The following PHTF2 variants were observed in gnomAD, a reference collection of about 807,000 sequenced individuals.
PHTF2 encodes the protein putative homeodomain transcription factor 2.
Under a neutral mutation model 101.2 loss-of-function variants are expected in PHTF2, and 60 were observed. That is an observed-to-expected ratio of 0.59 (90% CI 0.48 to 0.73). The LOEUF (loss-of-function observed/expected upper bound fraction) is 0.73, where lower values mean the gene tolerates loss of function less well. PHTF2 is among the 30% of genes least tolerant of loss of function. PHTF2 has a pLI of 0.00. For synonymous variants in PHTF2, 311 were observed against 307.3 expected (o/e 1.01, Z -0.13); for missense variants, 747 against 908.7 (o/e 0.82, Z 2.29).
Position 77,896,003 on chromosome 7 carries a change from T to A in PHTF2, c.216+2010T>A, listed in dbSNP as rs570959063. The A allele has an allele frequency of 3.9e-5, 6 of 152,272 alleles. No individual in the cohort carries two copies. In the South Asian group the frequency reaches 1.2e-3, roughly 32 times the overall value. The allele number at this position is 152,272 out of a possible 1,614,324, so 9.4% of individuals were successfully genotyped here. On this transcript the variant is annotated intron_variant, in intron 5 of 19. Transcript: ENST00000416283. ...CTTGACTAGTCTTTAAAAATAAAGA[T>A]AAAAATGAGACAAAATTAAAGAAAA...
intron 18 of PHTF2, 73 bp downstream of exon 17, chr7:77,951,785 G>C: frequency 1.5e-6 from 1 of 669,716 alleles, no homozygotes; most frequent in Non-Finnish European, 2.5e-6. Context: ...TTTGTTTATA[G>C]ATATTACTTT....
intron 12 of PHTF2, among the ~76,000 whole-genome samples, chr7:77,936,370 A>C (rs1274199683): frequency 6.6e-6 from 1 of 152,162 alleles, no homozygotes; most frequent in Non-Finnish European, 1.5e-5. Context: ...TGCCAAAACT[A>C]TTGTTTTTAG....
At chr7:77,956,399 A>G (rs1806993600) in exon 20 of PHTF2, 1 of 152,576 alleles carries the variant, frequency 6.6e-6, no homozygotes, top group African/African-American at 2.4e-5. Context: ...ATTCCTTTTG[A>G]TCAGCCTCAA....
chr7:77,928,893 C>T (rs527739399), intron 11 of PHTF2, among the ~76,000 whole-genome samples: 4 of 152,254 alleles, frequency 2.6e-5, no homozygotes, highest in African/African-American at 9.6e-5. Flanking sequence ...AAAGTAATAT[C>T]TGAGCTGAAA....
intron 1 of PHTF2, among the ~76,000 whole-genome samples, chr7:77,838,936 G>T (rs577314091): frequency 6.6e-6 from 1 of 152,072 alleles, no homozygotes; most frequent in Non-Finnish European, 1.5e-5. Flanking sequence ...GAGGTTTATC[G>T]TCTAAACATT....
intron 5 of PHTF2, among the ~76,000 whole-genome samples, chr7:77,899,410 G>A (rs373255588): frequency 5.3e-5 from 8 of 152,014 alleles, no homozygotes; most frequent in South Asian, 2.1e-4. Context: ...CACCGTGAAC[G>A]TTGATTTGGG....
At chr7:77,935,558 T>A (rs960451188) in intron 12 of PHTF2, among the ~76,000 whole-genome samples, 10 of 152,184 alleles carry the variant, frequency 6.6e-5, no homozygotes, top group Admixed American at 2.6e-4. Context: ...CAGTTTCTAG[T>A]TGCTGTCTTC....
chr7:77,914,055 G>A (rs181921961), intron 9 of PHTF2, among the ~76,000 whole-genome samples: 41 of 139,788 alleles, frequency 2.9e-4, no homozygotes, highest in African/African-American at 1.0e-3. Context: ...GACAGAGCTG[G>A]ACTCTGTCTC....
chr7:77,804,922 C>T (rs1463587816), intron 1 of PHTF2, among the ~76,000 whole-genome samples: 1 of 152,082 alleles, frequency 6.6e-6, no homozygotes, highest in Non-Finnish European at 1.5e-5. Flanking sequence ...GTTGAAATAC[C>T]AACATACTGA....
chr7:77,924,667 G>A (rs964524460), intron 11 of PHTF2, among the ~76,000 whole-genome samples: 1 of 152,110 alleles, frequency 6.6e-6, no homozygotes, highest in South Asian at 2.1e-4. Flanking sequence ...TAAGATAATG[G>A]GTCAGGAACC....
chr7:77,869,048 A>G (rs930646868), intron 3 of PHTF2, among the ~76,000 whole-genome samples: 1 of 152,194 alleles, frequency 6.6e-6, no homozygotes, highest in Non-Finnish European at 1.5e-5. Context: ...GGAATAGAAC[A>G]TCCTGTCTTT....
At chr7:77,894,585 A>G (rs1319824838) in intron 5 of PHTF2, among the ~76,000 whole-genome samples, 1 of 152,242 alleles carries the variant, frequency 6.6e-6, no homozygotes, top group Non-Finnish European at 1.5e-5. Flanking sequence ...ACATTTAACA[A>G]AGTTGTGGTA....
intron 9 of PHTF2, among the ~76,000 whole-genome samples, chr7:77,916,599 C>T (rs1385827534): frequency 6.6e-6 from 1 of 152,066 alleles, no homozygotes; most frequent in Non-Finnish European, 1.5e-5. Context: ...TCTTGGTATC[C>T]ATGGGAGATT....
intron 7 of PHTF2, among the ~76,000 whole-genome samples, chr7:77,908,408 G>A (rs927208747): frequency 6.6e-6 from 1 of 152,180 alleles, no homozygotes; most frequent in South Asian, 2.1e-4. Context: ...CTTTGTATCT[G>A]TATGATACAC....
At chr7:77,868,851 C>G (rs191112774) in intron 3 of PHTF2, among the ~76,000 whole-genome samples, 6 of 152,248 alleles carry the variant, frequency 3.9e-5, no homozygotes, top group Admixed American at 3.9e-4. Flanking sequence ...ATAATGTTGA[C>G]TTTTAAATGA....
At chr7:77,951,265 C>T (rs1806516888) in intron 17 of PHTF2, among the ~76,000 whole-genome samples, 1 of 151,918 alleles carries the variant, frequency 6.6e-6, no homozygotes, top group Non-Finnish European at 1.5e-5. Flanking sequence ...ATAGCAAGAC[C>T]CCATCTCTAG....
At position 77,893,780 on chromosome 7, in the gene PHTF2, G is replaced by A. The variant is rs189700548; in HGVS notation, c.204+116G>A. On this transcript the variant is annotated intron_variant, in intron 4 of 19. Coordinates refer to ENST00000416283, the Ensembl canonical transcript of PHTF2. Reference sequence around the variant, plus strand: ...AGATATAAATTACTATTCTATTGAAGCTTTTAAAGAAAGAAGTAAACTTTA... The same window carrying A: ...AGATATAAATTACTATTCTATTGAAACTTTTAAAGAAAGAAGTAAACTTTA... 73 of 613,638 alleles carry A rather than the reference G, an allele frequency of 1.2e-4. No individual in the cohort carries two copies. The East Asian group carries it at 1.9e-3, about 16-fold the overall frequency. 38.0% of individuals were successfully genotyped at this position (613,638 alleles called of 1,614,324 possible).
At chr7:77,834,679 A>G (rs1205076594) in intron 1 of PHTF2, among the ~76,000 whole-genome samples, 2 of 152,226 alleles carry the variant, frequency 1.3e-5, no homozygotes, top group African/African-American at 2.4e-5. Context: ...ACTGAGGTCC[A>G]GAGAACTCAG....
chr7:77,924,117 C>T (rs1168350687), intron 11 of PHTF2: 3 of 956,450 alleles, frequency 3.1e-6, no homozygotes, highest in Non-Finnish European at 3.7e-6. Flanking sequence ...CTTAAACCAG[C>T]TTTAAAGGGC....
Sources: allele counts gnomAD v4.1 joint callset (sites outside exome capture counted in the v4.1 genomes callset), GRCh38; gene constraint gnomAD v4.1.1; transcripts MANE v1.5; gene names NCBI Gene and HGNC (gene_info 2026-07-23, HGNC 2026-07-21).